The following EYA4 variants were observed in gnomAD, a reference collection of about 807,000 sequenced individuals.
The protein encoded by EYA4 is protein phosphatase EYA4.
A neutral mutation model predicts 87.9 loss-of-function variants in EYA4; 31 were observed. The observed-to-expected ratio is 0.35, with a 90% CI of 0.27 to 0.48. EYA4 has a LOEUF of 0.48. Ranked by LOEUF, EYA4 falls within the 20% of genes least tolerant of loss-of-function variation. The probability of loss-of-function intolerance (pLI) is 0.99; values close to 1 mark genes in which losing one functional copy is unlikely to be tolerated. For synonymous variants in EYA4, 263 were observed against 270.6 expected (o/e 0.97, Z 0.28); for missense variants, 678 against 761.4 (o/e 0.89, Z 1.29).
intron 2 of EYA4, among the ~76,000 whole-genome samples, chr6:133,357,416 A>T (rs544094983): frequency 5.9e-5 from 9 of 152,274 alleles, no homozygotes; most frequent in Admixed American, 3.3e-4. Flanking sequence ...GAAATATCTG[A>T]ATGTTGTTGA....
In EYA4 at chr6:133,530,534, G is replaced by T; in HGVS notation, c.*1729G>T. 1.0e-6 allele frequency: 1 copy of T among 985,880 alleles called. No homozygotes were observed. The highest frequency in any genetic ancestry group is 1.2e-6 in the Non-Finnish European group (1 of 829,936). The allele number at this position is 985,880 out of a possible 1,614,324, so 61.1% of individuals were successfully genotyped here. A position where few individuals can be genotyped will look rare whatever the true frequency, so the allele number is the denominator to read the frequency against. On this transcript the variant is annotated 3_prime_UTR_variant, in exon 20 of 20. Coordinates refer to ENST00000355286, the MANE Select transcript of EYA4 (RefSeq NM_004100.5). Reference sequence around the variant, plus strand: ...GGCTACTAGTCAGTGCCCCTAGCCAGAGGCTGGTTCATGAGTTCATCAACT... The same window carrying T: ...GGCTACTAGTCAGTGCCCCTAGCCATAGGCTGGTTCATGAGTTCATCAACT...
At chr6:133,258,969 C>T (rs1214078960) in intron 1 of EYA4, among the ~76,000 whole-genome samples, 1 of 152,138 alleles carries the variant, frequency 6.6e-6, no homozygotes, top group Non-Finnish European at 1.5e-5. Flanking sequence ...ATTTCTATTT[C>T]AGCTAATTGG....
At chr6:133,426,054 G>A (rs771908211) in intron 3 of EYA4, among the ~76,000 whole-genome samples, 1 of 150,832 alleles carries the variant, frequency 6.6e-6, no homozygotes, top group African/African-American at 2.5e-5. Flanking sequence ...CGCCAACTTT[G>A]ACCAGGAGAA....
intron 2 of EYA4, among the ~76,000 whole-genome samples, chr6:133,290,203 C>T (rs2224382): frequency 1.3e-5 from 2 of 151,918 alleles, no homozygotes; most frequent in African/African-American, 4.8e-5. Context: ...TGAGGGATTG[C>T]CCAACTTGTG....
chr6:133,271,707 T>C (rs1410542804), intron 1 of EYA4, among the ~76,000 whole-genome samples: 1 of 152,170 alleles, frequency 6.6e-6, no homozygotes, highest in Non-Finnish European at 1.5e-5. Context: ...TGGAAGTCCA[T>C]GTTGCTGAGC....
chr6:133,498,774 CAA>C (rs759103992), intron 13 of EYA4, among the ~76,000 whole-genome samples: 2 of 152,126 alleles, frequency 1.3e-5, no homozygotes, highest in Non-Finnish European at 2.9e-5. Context: ...AAAGCCAAAT[CAA>C]AGACAGTGAC....
chr6:133,524,066 A>C (rs1334034871), intron 18 of EYA4, among the ~76,000 whole-genome samples: 1 of 152,148 alleles, frequency 6.6e-6, no homozygotes, highest in African/African-American at 2.4e-5. Flanking sequence ...AGGAGAGCCA[A>C]GCTTCCGTAG....
intron 2 of EYA4, among the ~76,000 whole-genome samples, chr6:133,330,304 A>G (rs562270713): frequency 2.0e-5 from 3 of 152,088 alleles, no homozygotes; most frequent in East Asian, 1.9e-4. Flanking sequence ...TCCTATTTGT[A>G]TTGCTAATTA....
intron 3 of EYA4, among the ~76,000 whole-genome samples, chr6:133,446,324 A>G (rs932605961): frequency 6.6e-6 from 1 of 152,132 alleles, no homozygotes; most frequent in African/African-American, 2.4e-5. Flanking sequence ...CAGTGATAAC[A>G]TGTTTATTTT....
chr6:133,373,861 A>G (rs569404203), intron 2 of EYA4, among the ~76,000 whole-genome samples: 17 of 152,144 alleles, frequency 1.1e-4, no homozygotes, highest in Middle Eastern at 3.4e-3. Flanking sequence ...CTTTTTTCCA[A>G]TCTTAGAATG....
chr6:133,267,124 G>C (rs1269281469), intron 1 of EYA4, among the ~76,000 whole-genome samples: 1 of 152,122 alleles, frequency 6.6e-6, no homozygotes, highest in African/African-American at 2.4e-5. Flanking sequence ...ACCTGATCCT[G>C]TGAAACCATT....
At chr6:133,244,848 A>AT (rs996845447) in intron 1 of EYA4, among the ~76,000 whole-genome samples, 3 of 152,082 alleles carry the variant, frequency 2.0e-5, no homozygotes, top group African/African-American at 4.8e-5. Context: ...CTGGAATTAG[A>AT]TTTTTTAGGA....
chr6:133,304,044 G>A (rs1329869328), intron 2 of EYA4, among the ~76,000 whole-genome samples: 1 of 152,136 alleles, frequency 6.6e-6, no homozygotes, highest in East Asian at 1.9e-4. Flanking sequence ...AGTATGTGAT[G>A]ATGGAATGAA....
chr6:133,494,936 A>C (rs987904589), intron 13 of EYA4, among the ~76,000 whole-genome samples: 1 of 152,162 alleles, frequency 6.6e-6, no homozygotes, highest in African/African-American at 2.4e-5. Context: ...TACCCCATTT[A>C]CCCTGATGTG....
chr6:133,282,591 T>TAC (rs1777716720), intron 2 of EYA4, among the ~76,000 whole-genome samples: 1 of 101,412 alleles, frequency 9.9e-6, no homozygotes, highest in Non-Finnish European at 1.8e-5. Context: ...TGTGTGTGTA[T>TAC]ATATATATAT....
At chr6:133,316,963 A>G (rs1397627274) in intron 2 of EYA4, among the ~76,000 whole-genome samples, 1 of 152,194 alleles carries the variant, frequency 6.6e-6, no homozygotes, top group African/African-American at 2.4e-5. Context: ...TTCGGCCTGC[A>G]TAGAAGCAAA....
intron 10 of EYA4, among the ~76,000 whole-genome samples, chr6:133,467,508 T>C (rs531655740): frequency 6.6e-6 from 1 of 152,228 alleles, no homozygotes; most frequent in East Asian, 1.9e-4. Context: ...TTTGTTTAAA[T>C]ATGATGAGGT....
intron 3 of EYA4, among the ~76,000 whole-genome samples, chr6:133,446,266 G>T (rs1180312454): frequency 6.6e-6 from 1 of 151,936 alleles, no homozygotes; most frequent in Non-Finnish European, 1.5e-5. Flanking sequence ...TTTTCTTACA[G>T]TATTATATGG....
intron 3 of EYA4, among the ~76,000 whole-genome samples, chr6:133,390,192 C>A (rs1308740165): frequency 6.6e-6 from 1 of 152,030 alleles, no homozygotes; most frequent in African/African-American, 2.4e-5. Flanking sequence ...TTCTGGGCTA[C>A]CTGTTGTCCA....
Sources: gnomAD v4.1 joint callset for allele counts (sites outside exome capture counted in the v4.1 genomes callset) on GRCh38, gnomAD v4.1.1 for gene constraint, MANE v1.5 for transcripts, NCBI Gene and HGNC (gene_info 2026-07-23, HGNC 2026-07-21) for gene names.